The following DNER variants were observed in gnomAD, a reference collection of about 807,000 sequenced individuals.
DNER encodes delta and Notch-like epidermal growth factor-related receptor.
Under a neutral mutation model 78.2 loss-of-function variants are expected in DNER, and 33 were observed. The observed-to-expected ratio is 0.42, with a 90% CI of 0.32 to 0.56. The LOEUF is 0.56. Ranked by LOEUF, DNER falls within the 20% of genes least tolerant of loss-of-function variation. The probability of loss-of-function intolerance (pLI) is 0.11; values close to 1 mark genes in which losing one functional copy is unlikely to be tolerated. For synonymous variants in DNER, 417 were observed against 384.8 expected, an observed-to-expected ratio of 1.08 and a Z score of -0.98; for missense variants, 918 against 975.3, an observed-to-expected ratio of 0.94 and a Z score of 0.78.
chr2:229,387,863 CTGTGTGTG>C (rs34029070), intron 11 of DNER, among the ~76,000 whole-genome samples: 18 of 120,572 alleles, frequency 1.5e-4, no homozygotes, highest in African/African-American at 3.7e-4. Flanking sequence ...AATTTGCATT[CTGTGTGTG>C]TGTGTGTGTG....
chr2:229,698,514 G>T (rs1221354894), intron 1 of DNER, among the ~76,000 whole-genome samples: 1 of 152,194 alleles, frequency 6.6e-6, no homozygotes, highest in Non-Finnish European at 1.5e-5. Flanking sequence ...TCCGGGGAAA[G>T]CAAGGGAAGC....
intron 5 of DNER, among the ~76,000 whole-genome samples, chr2:229,538,290 A>T (rs13417271): frequency 0.024 from 3,708 of 152,320 alleles, 162 homozygotes; most frequent in African/African-American, 0.084. Flanking sequence ...TCACTCTCTG[A>T]CTCAAAAATG....
At chr2:229,364,397 A>G (rs531387000) in intron 12 of DNER, among the ~76,000 whole-genome samples, 61 of 152,224 alleles carry the variant, frequency 4.0e-4, no homozygotes, top group South Asian at 8.3e-4. Flanking sequence ...AATAAAAGCT[A>G]CTACCCTTTA....
intron 6 of DNER, among the ~76,000 whole-genome samples, chr2:229,509,007 G>A (rs919994468): frequency 6.6e-6 from 1 of 152,192 alleles, no homozygotes; most frequent in African/African-American, 2.4e-5. Context: ...GTGAAGGGAT[G>A]AACAAAGGAG....
intron 4 of DNER, among the ~76,000 whole-genome samples, chr2:229,578,620 C>G (rs1336445387): frequency 6.6e-6 from 1 of 152,148 alleles, no homozygotes; most frequent in African/African-American, 2.4e-5. Context: ...CCTTTCAATA[C>G]TGCCAGCAGC....
intron 1 of DNER, among the ~76,000 whole-genome samples, chr2:229,623,245 G>A (rs72991692): frequency 0.021 from 3,246 of 152,112 alleles, 46 homozygotes; most frequent in Middle Eastern, 0.034. Flanking sequence ...ACCTAAGCCC[G>A]GGCTGTTTTT....
chr2:229,426,956 CTGA>C (rs1475220540), intron 8 of DNER, among the ~76,000 whole-genome samples: 3 of 152,318 alleles, frequency 2.0e-5, no homozygotes, highest in Non-Finnish European at 4.4e-5. Flanking sequence ...ACAATAGCTG[CTGA>C]TGTTTCTTAT....
chr2:229,584,194 T>C (rs1697453834), intron 4 of DNER, among the ~76,000 whole-genome samples: 1 of 152,182 alleles, frequency 6.6e-6, no homozygotes, highest in African/African-American at 2.4e-5. Flanking sequence ...TCCTTAACAT[T>C]TGTCAATTAT....
intron 4 of DNER, among the ~76,000 whole-genome samples, chr2:229,575,630 C>T (rs966658344): frequency 6.6e-6 from 1 of 152,088 alleles, no homozygotes; most frequent in Non-Finnish European, 1.5e-5. Flanking sequence ...TCTTTGATCA[C>T]CTGCTCCAAC....
At chr2:229,660,206 G>A (rs779415071) in intron 1 of DNER, among the ~76,000 whole-genome samples, 5 of 151,992 alleles carry the variant, frequency 3.3e-5, no homozygotes, top group Non-Finnish European at 7.4e-5. Context: ...TTTTTGTACA[G>A]ATTATTTCAT....
rs530885588 is a variant in DNER at position 229,669,268 on chromosome 2, T to C, written c.276+44880A>G. On this transcript the variant is annotated intron_variant, in intron 1 of 12. Transcript: ENST00000341772. ...CATTAGGACAAATACCTAATGTAGA[T>C]GACAGGTTGATGGGTGTAGCAAACC... is the stretch of plus-strand genomic sequence containing the variant. Among the ~76,000 whole-genome samples the C allele has an allele frequency of 3.9e-5, 6 of 152,134 alleles. No homozygotes were observed. The South Asian group carries it at 1.0e-3, about 26-fold the overall frequency.
At chr2:229,602,374 A>G (rs1238880124) in intron 1 of DNER, among the ~76,000 whole-genome samples, 2 of 152,226 alleles carry the variant, frequency 1.3e-5, no homozygotes, top group East Asian at 3.8e-4. Flanking sequence ...CCTTCAGCAA[A>G]TATAATACTT....
At position 229,687,541 on chromosome 2, in the gene DNER, C is replaced by G. The variant is rs368602005; in HGVS notation, c.276+26607G>C. ...GGCCTCCCAAAGTGCTGGGGGATTA[C>G]AGACGTGAGCAACCACACCTGGCCC... On this transcript the variant is annotated intron_variant, in intron 1 of 12. Transcript: ENST00000341772. 7.2e-5 allele frequency among the ~76,000 whole-genome samples: 11 copies of G among 152,218 alleles called. 1 individual carries two copies. The South Asian group carries it at 2.3e-3, about 32-fold the overall frequency.
intron 1 of DNER, among the ~76,000 whole-genome samples, chr2:229,615,341 G>A (rs959006871): frequency 6.6e-6 from 1 of 151,078 alleles, no homozygotes; most frequent in Non-Finnish European, 1.5e-5. Context: ...AACCTTGGAG[G>A]CTGAGGTTGT....
chr2:229,531,154 G>T (rs1696292786), intron 5 of DNER, among the ~76,000 whole-genome samples: 1 of 152,126 alleles, frequency 6.6e-6, no homozygotes, highest in African/African-American at 2.4e-5. Flanking sequence ...TGTCAGCTCT[G>T]CCCTAGCCTA....
Position 229,488,026 on chromosome 2 carries a change from T to C in DNER, c.1148-10773A>G, listed in dbSNP as rs541592592. 2.0e-5 allele frequency among the ~76,000 whole-genome samples: 3 copies of C among 152,192 alleles called. No individual in the cohort carries two copies. In the South Asian group the frequency reaches 6.2e-4, roughly 32 times the overall value. On this transcript the variant is annotated intron_variant, in intron 6 of 12. Coordinates refer to ENST00000341772, the MANE Select transcript of DNER (RefSeq NM_139072.4). ...ATGGTAACGATGTGTTGTATATTGA[T>C]CTCTTCCTGTAACCACTCACCGCCA...
Position 229,455,584 on chromosome 2 carries a change from A to G in DNER, c.1262-8044T>C, listed in dbSNP as rs556706338. Among the ~76,000 whole-genome samples, 23 of 152,164 alleles carry G rather than the reference A, an allele frequency of 1.5e-4. 1 individual carries two copies. The highest frequency in any genetic ancestry group is 5.6e-4 in the African/African-American group (23 of 41,430). On this transcript the variant is annotated intron_variant, in intron 7 of 12. Transcript: ENST00000341772. The stretch of plus-strand genomic sequence containing the variant: ...ATTTCTGGAATTGGGAGGTGCTCAC[A>G]TACTGCTCTCTAAACACACGAACAG...
At chr2:229,478,008 A>C (rs1333376306) in intron 6 of DNER, among the ~76,000 whole-genome samples, 1 of 152,220 alleles carries the variant, frequency 6.6e-6, no homozygotes, top group Non-Finnish European at 1.5e-5. Flanking sequence ...AATTTTGAAA[A>C]CAAAGCCCCT....
intron 1 of DNER, among the ~76,000 whole-genome samples, chr2:229,701,643 C>T (rs1699747715): frequency 6.6e-6 from 1 of 152,210 alleles, no homozygotes. Context: ...TAGGTGAGGT[C>T]TTAAAGAATC....
Sources: allele counts gnomAD v4.1 joint callset (sites outside exome capture counted in the v4.1 genomes callset), GRCh38; gene constraint gnomAD v4.1.1; transcripts MANE v1.5; gene names NCBI Gene and HGNC (gene_info 2026-07-23, HGNC 2026-07-21).